SULF2: variants seen among roughly 807,000 people sequenced by gnomAD.
SULF2 encodes the protein sulfatase 2, also known as extracellular sulfatase Sulf-2.
SULF2 carries 52 observed loss-of-function variants against 107.7 expected under a neutral mutation model. That is an observed-to-expected ratio of 0.48 (90% CI 0.39 to 0.61). SULF2 has a LOEUF of 0.61. Among genes scored for constraint, SULF2 ranks in the 20% least tolerant of loss-of-function variants. The pLI is 0.00. For missense variants in SULF2, 993 were observed against 1,177.3 expected (o/e 0.84, Z 2.29); for synonymous variants, 460 against 464.3 (o/e 0.99, Z 0.12).
intron 20 of SULF2, among the ~76,000 whole-genome samples, chr20:47,659,047 G>A (rs1049482670): frequency 6.6e-6 from 1 of 152,120 alleles, no homozygotes; most frequent in Non-Finnish European, 1.5e-5. Context: ...ATTTAATGAG[G>A]CCATCCTACT....
intron 3 of SULF2, among the ~76,000 whole-genome samples, chr20:47,725,479 C>T (rs1372778077): frequency 6.6e-6 from 1 of 152,190 alleles, no homozygotes; most frequent in Non-Finnish European, 1.5e-5. Flanking sequence ...AGTCTCCGCC[C>T]CCAGGAAGCC....
At position 47,677,004 on chromosome 20, in the gene SULF2, G is replaced by A. The variant is rs1602618289; in HGVS notation, c.1250+74C>T. The A allele has an allele frequency of 2.0e-5, 30 of 1,520,868 alleles. 2 individuals carry two copies. In the South Asian group the frequency reaches 3.2e-4, roughly 16 times the overall value. 94.2% of individuals were successfully genotyped at this position (1,520,868 alleles called of 1,614,324 possible). A position where few individuals can be genotyped will look rare whatever the true frequency, so the allele number is the denominator to read the frequency against. On this transcript the variant is annotated intron_variant, in intron 9 of 20. Coordinates refer to ENST00000688720, the MANE Select transcript of SULF2 (RefSeq NM_001387048.1). ...GGCAGCTCCTGAATAGCATGATGCG[G>A]TGGGGCTACAGAAGCTTCCTGGGCA... is the stretch of plus-strand genomic sequence containing the variant.
intron 3 of SULF2, among the ~76,000 whole-genome samples, chr20:47,704,712 T>C (rs148773162): frequency 4.8e-4 from 73 of 152,362 alleles, no homozygotes; most frequent in African/African-American, 1.7e-3. Context: ...CTGACGAGTA[T>C]TGCTGAGAGC....
intron 3 of SULF2, among the ~76,000 whole-genome samples, chr20:47,735,311 AT>A: frequency 2.0e-5 from 3 of 152,058 alleles, no homozygotes; most frequent in Non-Finnish European, 4.4e-5. Context: ...CCTCAGACAT[AT>A]TTTCTTTGGC....
chr20:47,683,577 C>T (rs893934341), intron 6 of SULF2, among the ~76,000 whole-genome samples: 6 of 152,198 alleles, frequency 3.9e-5, no homozygotes, highest in African/African-American at 7.2e-5. Flanking sequence ...CAGGATCTTG[C>T]GATCTGGAAG....
In SULF2 at chr20:47,658,259, TG is replaced by T; in HGVS notation, c.*102del. 7.9e-7 allele frequency: 1 copy of T among 1,267,872 alleles called. No homozygotes were observed. Among genetic ancestry groups the T allele is most frequent in the Non-Finnish European group, 1.2e-6 (1 of 864,570 alleles). 78.5% of individuals were successfully genotyped at this position (1,267,872 alleles called of 1,614,324 possible). On this transcript the variant is annotated 3_prime_UTR_variant, in exon 21 of 21. Transcript: ENST00000688720. ...TGCGTGCTTGCTTTCTCAGGCCTCC[TG>T]GCCAATACCACAGGTCTGCTGGAAA...
At chr20:47,667,692 G>C (rs2087322721) in intron 11 of SULF2, among the ~76,000 whole-genome samples, 1 of 152,208 alleles carries the variant, frequency 6.6e-6, no homozygotes, top group Non-Finnish European at 1.5e-5. Context: ...ACGCACTGCA[G>C]TTGTCATCCT....
intron 1 of SULF2, among the ~76,000 whole-genome samples, chr20:47,765,481 C>T (rs531418515): frequency 4.6e-5 from 7 of 151,468 alleles, no homozygotes; most frequent in African/African-American, 1.7e-4. Flanking sequence ...ACGGGAAACA[C>T]TCATGAGAGG....
At chr20:47,733,495 G>A (rs977091622) in intron 3 of SULF2, among the ~76,000 whole-genome samples, 3 of 152,128 alleles carry the variant, frequency 2.0e-5, no homozygotes, top group Admixed American at 6.5e-5. Flanking sequence ...ACAGAGGGCC[G>A]GGTGCGTTGG....
At chr20:47,682,867 G>T in intron 7 of SULF2, 127 bp downstream of exon 7, 1 of 922,012 alleles carries the variant, frequency 1.1e-6, no homozygotes, top group Non-Finnish European at 1.6e-6. Flanking sequence ...ATTGCTTTCC[G>T]CTGGCCCTGG....
At chr20:47,735,278 A>C (rs1245888769) in intron 3 of SULF2, among the ~76,000 whole-genome samples, 4 of 152,168 alleles carry the variant, frequency 2.6e-5, no homozygotes, top group Non-Finnish European at 5.9e-5. Context: ...GTGAAAAGAG[A>C]GTCTGTGAGC....
At chr20:47,672,733 G>A (rs1378223061) in intron 10 of SULF2, among the ~76,000 whole-genome samples, 16 of 152,094 alleles carry the variant, frequency 1.1e-4, no homozygotes, top group Non-Finnish European at 4.4e-5. Flanking sequence ...ACCCTTCAAT[G>A]GCTCCCACTG....
At chr20:47,770,422 G>A (rs62202160) in intron 1 of SULF2, among the ~76,000 whole-genome samples, 5,823 of 152,122 alleles carry the variant, frequency 0.038, 178 homozygotes, top group Non-Finnish European at 0.061. Context: ...CAGGGCATGA[G>A]GGTAGGCACA....
At chr20:47,782,537 G>C (rs1360243523) in intron 1 of SULF2, among the ~76,000 whole-genome samples, 2 of 152,102 alleles carry the variant, frequency 1.3e-5, no homozygotes, top group Non-Finnish European at 2.9e-5. Flanking sequence ...GCCTGACACA[G>C]AGCACCCTGG....
Position 47,666,141 on chromosome 20 carries a change from G to A in SULF2, c.1805+119C>T, listed in dbSNP as rs1195177694. 1.2e-6 allele frequency: 2 copies of A among 1,612,664 alleles called. No individual in the cohort carries two copies. Among genetic ancestry groups the A allele is most frequent in the Non-Finnish European group, 1.7e-6 (2 of 1,179,590 alleles). ...CTGAATAGTCGGGAAGGCCTCCAGT[G>A]CCACTGAAGTCCCCACCATCCTTGT... is the stretch of plus-strand genomic sequence containing the variant. On this transcript the variant is annotated intron_variant, in intron 12 of 20. Coordinates refer to ENST00000688720, the MANE Select transcript of SULF2 (RefSeq NM_001387048.1). The surrounding 1 kb of genome is among the most constrained non-coding windows in gnomAD (Gnocchi z 5.4).
chr20:47,773,438 G>A (rs1217175736), intron 1 of SULF2, among the ~76,000 whole-genome samples: 9 of 152,232 alleles, frequency 5.9e-5, no homozygotes, highest in Non-Finnish European at 1.2e-4. Context: ...GGAAGTAAGT[G>A]CAAAGGCCCT....
chr20:47,684,124 G>T (rs1322520045), intron 6 of SULF2, among the ~76,000 whole-genome samples: 4 of 152,306 alleles, frequency 2.6e-5, no homozygotes, highest in African/African-American at 9.6e-5. Flanking sequence ...CTTTAATTGG[G>T]GGAATTGTAT....
chr20:47,690,027 G>T, intron 5 of SULF2, 99 bp downstream of exon 5: 1 of 1,144,908 alleles, frequency 8.7e-7, no homozygotes, highest in Non-Finnish European at 1.1e-6. Context: ...TAGAGAGGAG[G>T]CACAGTGAAG....
chr20:47,672,853 C>T (rs1406244583), intron 10 of SULF2, among the ~76,000 whole-genome samples: 2 of 152,206 alleles, frequency 1.3e-5, no homozygotes, highest in Non-Finnish European at 2.9e-5. Flanking sequence ...TCCAGTATCC[C>T]CTGTGGGCTG....
Sources: allele counts gnomAD v4.1 joint callset (sites outside exome capture counted in the v4.1 genomes callset), GRCh38; gene constraint gnomAD v4.1.1; non-coding constraint Gnocchi (gnomAD v3.1); transcripts MANE v1.5; gene names NCBI Gene and HGNC (gene_info 2026-07-23, HGNC 2026-07-21).